TNS3: variants seen among roughly 807,000 people sequenced by gnomAD.
The protein encoded by TNS3 is tensin 3, also known as tensin-3.
TNS3 carries 45 observed loss-of-function variants against 140.9 expected under a neutral mutation model. That is an observed-to-expected ratio of 0.32 (90% CI 0.25 to 0.41). The LOEUF is 0.41. Among genes scored for constraint, TNS3 ranks in the 10% least tolerant of loss-of-function variants. TNS3 has a pLI of 1.00. For synonymous variants in TNS3, 815 were observed against 788.4 expected, an observed-to-expected ratio of 1.03 and a Z score of -0.56; for missense variants, 1,716 against 1,906.7, an observed-to-expected ratio of 0.90 and a Z score of 1.86.
intron 4 of TNS3, among the ~76,000 whole-genome samples, chr7:47,474,280 AAC>A (rs1360696918): frequency 5.4e-5 from 6 of 111,830 alleles, no homozygotes; most frequent in African/African-American, 9.6e-5. Context: ...CTTCACACAC[AAC>A]ACACACACAT....
chr7:47,512,329 G>C (rs1053847441), intron 2 of TNS3, among the ~76,000 whole-genome samples: 1 of 152,182 alleles, frequency 6.6e-6, no homozygotes, highest in South Asian at 2.1e-4. Context: ...GCTCACTCCA[G>C]CCCCTCTCCA....
intron 1 of TNS3, among the ~76,000 whole-genome samples, chr7:47,529,366 G>A (rs918305862): frequency 2.2e-4 from 34 of 152,136 alleles, no homozygotes; most frequent in African/African-American, 7.0e-4. Context: ...AGTCCTAGAC[G>A]GACGTTCACT....
intron 16 of TNS3, 66 bp downstream of exon 16, chr7:47,396,734 A>G: frequency 7.5e-7 from 1 of 1,337,762 alleles, no homozygotes; most frequent in Non-Finnish European, 1.1e-6. Context: ...TACTTCAGAT[A>G]TTTGAGTGGG....
intron 1 of TNS3, among the ~76,000 whole-genome samples, chr7:47,563,070 C>CATAAACA: frequency 6.6e-6 from 1 of 152,318 alleles, no homozygotes; most frequent in Middle Eastern, 3.4e-3. Flanking sequence ...AACAGCGAAG[C>CATAAACA]TAGGCAAAAC....
intron 4 of TNS3, among the ~76,000 whole-genome samples, chr7:47,455,097 C>A (rs150174061): frequency 6.6e-6 from 1 of 152,338 alleles, no homozygotes; most frequent in East Asian, 1.9e-4. Flanking sequence ...CATACAGATA[C>A]CTGGTCCTGT....
At chr7:47,444,125 G>A (rs2151590639) in intron 4 of TNS3, among the ~76,000 whole-genome samples, 2 of 152,328 alleles carry the variant, frequency 1.3e-5, no homozygotes, top group East Asian at 3.9e-4. Context: ...GGGAAACTCA[G>A]CTTAACCAGG....
chr7:47,388,949 C>G (rs62446289), intron 16 of TNS3, among the ~76,000 whole-genome samples: 12,537 of 105,834 alleles, frequency 0.12, 949 homozygotes, highest in Middle Eastern at 0.21. Context: ...GAAGGAGAAG[C>G]AGAAACAGAA....
At chr7:47,543,690 T>G (rs1416002442) in intron 1 of TNS3, among the ~76,000 whole-genome samples, 1 of 152,146 alleles carries the variant, frequency 6.6e-6, no homozygotes, top group Non-Finnish European at 1.5e-5. Flanking sequence ...GTAGATAACG[T>G]GATGAATGAG....
Position 47,349,265 on chromosome 7 carries a change from A to T in TNS3, c.2282-2909T>A, listed in dbSNP as rs532441180. Among the ~76,000 whole-genome samples the T allele has an allele frequency of 1.1e-3, 172 of 152,304 alleles. 1 individual carries two copies. Among genetic ancestry groups the T allele is most frequent in the African/African-American group, 3.8e-3 (156 of 41,586 alleles). On this transcript the variant is annotated intron_variant, in intron 17 of 30. Transcript: ENST00000311160. ...TCTCAAAAAAAATCAATCTTCATTTAAAAAAAGTCTCAAAAAAAATGTTCT... is the reference window on the plus strand; with the variant it reads ...TCTCAAAAAAAATCAATCTTCATTTTAAAAAAGTCTCAAAAAAAATGTTCT...
intron 20 of TNS3, among the ~76,000 whole-genome samples, chr7:47,310,803 A>G (rs1219111248): frequency 3.3e-5 from 5 of 152,164 alleles, no homozygotes; most frequent in Admixed American, 1.3e-4. Context: ...CCCACCTATG[A>G]GTGAGAACAT....
intron 16 of TNS3, among the ~76,000 whole-genome samples, chr7:47,390,768 TAG>T (rs1488760096): frequency 6.6e-6 from 1 of 152,142 alleles, no homozygotes; most frequent in Non-Finnish European, 1.5e-5. Context: ...AAATCTGTCA[TAG>T]AGTCTCACTC....
intron 1 of TNS3, among the ~76,000 whole-genome samples, chr7:47,553,798 T>A (rs1800122134): frequency 6.6e-6 from 1 of 152,118 alleles, no homozygotes; most frequent in Admixed American, 6.6e-5. Flanking sequence ...TCTTACTTTT[T>A]TTTTTTTGAG....
intron 1 of TNS3, among the ~76,000 whole-genome samples, chr7:47,554,417 C>CAA (rs757352132): frequency 3.1e-5 from 2 of 64,000 alleles, no homozygotes; most frequent in African/African-American, 9.4e-5. Context: ...GACTCCATCT[C>CAA]AAAAAAAAAA....
chr7:47,414,961 G>T (rs527880778), intron 11 of TNS3, 133 bp downstream of exon 11: 3 of 662,100 alleles, frequency 4.5e-6, no homozygotes, highest in Admixed American at 2.9e-5. Context: ...CCAGTCAATC[G>T]CCAGGGAGGC....
chr7:47,411,755 G>T lies in TNS3; in HGVS notation c.695C>A (p.Pro232Gln). ...GACATCTCCCTTCAGAAGCTGGGCC[G>T]GCTCGATGACGATGCAGATCCTGCT... ...NPSRICIVIE[P>Q]AQLLKGDVMV... The change falls in exon 13 of 31, where the codon CCG (proline) becomes CAG (glutamine). Residue 232 changes from proline to glutamine, a missense_variant. Physicochemically the swap from Pro to Gln is moderately conservative, Grantham distance 76. Transcript: ENST00000311160. The T allele has an allele frequency of 6.2e-7, 1 of 1,613,024 alleles. No individual in the cohort carries two copies. Among genetic ancestry groups the T allele is most frequent in the Non-Finnish European group, 8.5e-7 (1 of 1,179,558 alleles).
chr7:47,488,199 G>A (rs1797681862), intron 3 of TNS3, among the ~76,000 whole-genome samples: 1 of 152,196 alleles, frequency 6.6e-6, no homozygotes, highest in African/African-American at 2.4e-5. Flanking sequence ...TTGTTCATGT[G>A]TTTATATTAC....
chr7:47,548,453 T>A (rs1799979567), intron 1 of TNS3, among the ~76,000 whole-genome samples: 1 of 152,124 alleles, frequency 6.6e-6, no homozygotes, highest in African/African-American at 2.4e-5. Flanking sequence ...ACTGCAACTT[T>A]CCATAAGTCA....
In TNS3 at chr7:47,476,819, A is replaced by G. The variant is rs142650453; in HGVS notation, c.-76+4284T>C. The stretch of plus-strand genomic sequence containing the variant: ...CCCTGTGTCCATGTAACATATGCCA[A>G]GTTGACATTCACAAAGGGAGGTTTG... On this transcript the variant is annotated intron_variant, in intron 4 of 30. Coordinates refer to ENST00000311160, the MANE Select transcript of TNS3 (RefSeq NM_022748.12). Among the ~76,000 whole-genome samples the G allele has an allele frequency of 6.2e-4, 95 of 152,320 alleles. 2 individuals carry two copies. In the East Asian group the frequency reaches 0.018, roughly 28 times the overall value.
chr7:47,433,881 C>T (rs963898798), intron 8 of TNS3, among the ~76,000 whole-genome samples: 12 of 48,352 alleles, frequency 2.5e-4, no homozygotes, highest in Non-Finnish European at 5.3e-4. Flanking sequence ...GTCCGTCTGT[C>T]TATCTCTCTC....
Sources: gnomAD v4.1 joint callset for allele counts (sites outside exome capture counted in the v4.1 genomes callset) on GRCh38, gnomAD v4.1.1 for gene constraint, MANE v1.5 for transcripts, NCBI Gene and HGNC (gene_info 2026-07-23, HGNC 2026-07-21) for gene names.